SUGCT: variants seen among roughly 807,000 people sequenced by gnomAD.
SUGCT encodes succinyl-CoA:glutarate CoA-transferase.
A neutral mutation model predicts 55.0 loss-of-function variants in SUGCT; 41 were observed. The ratio of observed to expected loss-of-function variants is 0.74; its 90% CI spans 0.58 to 0.97. The LOEUF (loss-of-function observed/expected upper bound fraction) is 0.97, where lower values mean the gene tolerates loss of function less well. SUGCT is among the 50% of genes least tolerant of loss of function. The pLI is 0.00. For synonymous variants in SUGCT, 187 were observed against 200.4 expected, an observed-to-expected ratio of 0.93 and a Z score of 0.56; for missense variants, 568 against 547.8, an observed-to-expected ratio of 1.04 and a Z score of -0.37.
intron 12 of SUGCT, among the ~76,000 whole-genome samples, chr7:40,613,329 T>C (rs941762415): frequency 6.6e-6 from 1 of 152,118 alleles, no homozygotes; most frequent in African/African-American, 2.4e-5. Flanking sequence ...GCCCTAATGA[T>C]CTGCATGGCC....
intron 10 of SUGCT, 87 bp downstream of exon 10, chr7:40,449,445 C>A: frequency 1.1e-6 from 1 of 904,586 alleles, no homozygotes; most frequent in Non-Finnish European, 1.8e-6. Flanking sequence ...CAACTTAGGC[C>A]CCCTGTGTTA....
At chr7:40,155,476 G>C (rs1027072503) in intron 1 of SUGCT, among the ~76,000 whole-genome samples, 11 of 152,142 alleles carry the variant, frequency 7.2e-5, no homozygotes, top group African/African-American at 2.4e-5. Flanking sequence ...GAGCAACATA[G>C]GTATGGTTCC....
At chr7:40,136,898 G>A (rs374721416) in intron 1 of SUGCT, among the ~76,000 whole-genome samples, 1 of 152,044 alleles carries the variant, frequency 6.6e-6, no homozygotes, top group Admixed American at 6.6e-5. Context: ...TTGGGAGGCT[G>A]AGGTGGGATG....
chr7:40,866,790 C>T, the SUGCT span, among the ~76,000 whole-genome samples: 1 of 152,052 alleles, frequency 6.6e-6, no homozygotes, highest in South Asian at 2.1e-4. Flanking sequence ...GCATGCAGGC[C>T]AGAGGTGGTG....
chr7:40,811,496 G>T (rs536688538), intron 13 of SUGCT, among the ~76,000 whole-genome samples: 2 of 151,994 alleles, frequency 1.3e-5, no homozygotes, highest in African/African-American at 4.8e-5. Context: ...TTGGTTAGAT[G>T]TAGTCTTGGG....
chr7:40,773,836 T>G (rs1789312895), intron 13 of SUGCT, among the ~76,000 whole-genome samples: 1 of 152,204 alleles, frequency 6.6e-6, no homozygotes, highest in African/African-American at 2.4e-5. Flanking sequence ...AAGATTCACA[T>G]GCCGAGCTCA....
chr7:40,194,287 A>C (rs1364821889), intron 5 of SUGCT, among the ~76,000 whole-genome samples: 17 of 152,094 alleles, frequency 1.1e-4, no homozygotes, highest in Non-Finnish European at 7.4e-5. Context: ...TTTTGGAGAC[A>C]AGGTCTAACA....
the SUGCT span, among the ~76,000 whole-genome samples, chr7:41,020,250 G>A: frequency 4.6e-3 from 707 of 152,296 alleles, 27 homozygotes; most frequent in Admixed American, 0.043. Flanking sequence ...CCAGAAGGGT[G>A]AATGAACAGA....
chr7:40,344,983 C>T (rs1797238173), intron 9 of SUGCT, among the ~76,000 whole-genome samples: 2 of 152,302 alleles, frequency 1.3e-5, no homozygotes. Context: ...TCCATAGGTA[C>T]TTGCTAAATT....
the SUGCT span, among the ~76,000 whole-genome samples, chr7:40,953,866 G>T: frequency 1.3e-5 from 2 of 152,224 alleles, no homozygotes; most frequent in Admixed American, 6.5e-5. Context: ...GCCCCTATTG[G>T]GGGGTGCCTC....
intron 12 of SUGCT, among the ~76,000 whole-genome samples, chr7:40,747,781 A>G (rs1787804182): frequency 6.6e-6 from 1 of 152,012 alleles, no homozygotes; most frequent in Non-Finnish European, 1.5e-5. Context: ...GTAGCCTCCA[A>G]TTGTTTTTTT....
chr7:40,833,013 T>G (rs1792777618), intron 13 of SUGCT, among the ~76,000 whole-genome samples: 2 of 152,082 alleles, frequency 1.3e-5, no homozygotes, highest in Middle Eastern at 3.4e-3. Context: ...TGCCATCCCC[T>G]CGGTCCATAG....
At chr7:40,313,543 C>T (rs760713311) in intron 8 of SUGCT, among the ~76,000 whole-genome samples, 2 of 152,108 alleles carry the variant, frequency 1.3e-5, no homozygotes, top group African/African-American at 4.8e-5. Context: ...CCATGTTGCT[C>T]TCTTTCTTAA....
At chr7:40,499,629 G>A (rs976168509) in intron 12 of SUGCT, 2 of 152,348 alleles carry the variant, frequency 1.3e-5, no homozygotes, top group African/African-American at 4.8e-5. Context: ...TGCATTTACT[G>A]AAAGTTCTGA....
the SUGCT span, among the ~76,000 whole-genome samples, chr7:40,890,636 C>A: frequency 6.6e-6 from 1 of 152,110 alleles, no homozygotes; most frequent in East Asian, 1.9e-4. Context: ...CCCACAAGCC[C>A]CACCAGTTAG....
At chr7:41,030,739 A>G in the SUGCT span, among the ~76,000 whole-genome samples, 4 of 152,146 alleles carry the variant, frequency 2.6e-5, no homozygotes, top group Non-Finnish European at 5.9e-5. Context: ...CAGTTATGAT[A>G]AAAAGTTAAT....
intron 12 of SUGCT, among the ~76,000 whole-genome samples, chr7:40,639,005 TC>T (rs1800143244): frequency 1.3e-5 from 2 of 152,198 alleles, no homozygotes; most frequent in Non-Finnish European, 2.9e-5. Flanking sequence ...TAAATAGAAA[TC>T]TCACGCTATT....
chr7:40,452,841 C>A (rs1789263767), intron 10 of SUGCT, among the ~76,000 whole-genome samples: 1 of 152,102 alleles, frequency 6.6e-6, no homozygotes, highest in African/African-American at 2.4e-5. Context: ...TTACCCCGAG[C>A]ACGGTGATCA....
At chr7:40,144,400 C>A (rs902680016) in intron 1 of SUGCT, among the ~76,000 whole-genome samples, 3 of 152,076 alleles carry the variant, frequency 2.0e-5, no homozygotes, top group African/African-American at 7.2e-5. Flanking sequence ...TAGGGTTTTC[C>A]CCTGGGACTA....
Sources: gnomAD v4.1 joint callset for allele counts (sites outside exome capture counted in the v4.1 genomes callset) on GRCh38, gnomAD v4.1.1 for gene constraint, MANE v1.5 for transcripts, NCBI Gene and HGNC (gene_info 2026-07-23, HGNC 2026-07-21) for gene names.